SEM1: variants seen among roughly 807,000 people sequenced by gnomAD.
SEM1 encodes SEM1 26S proteasome subunit.
SEM1 carries 3 observed loss-of-function variants against 12.7 expected under a neutral mutation model. The observed-to-expected ratio is 0.24, with a 90% CI of 0.11 to 0.61. The LOEUF (loss-of-function observed/expected upper bound fraction) is 0.61. Among genes scored for constraint, SEM1 ranks in the 20% least tolerant of loss-of-function variants. SEM1 has a pLI of 0.88. For synonymous variants in SEM1, 30 were observed against 27.8 expected (o/e 1.08, Z -0.25); for missense variants, 59 against 81.3 (o/e 0.73, Z 1.06).
rs766904257 is a variant in SEM1 at position 96,694,863 on chromosome 7, A to G, written c.105T>C (p.Asp35=). Residue 35 remains aspartate (D), a synonymous_variant, in exon 2 of 3, where the codon GAT becomes GAC. Coordinates refer to ENST00000248566, the MANE Select transcript of SEM1 (RefSeq NM_006304.2). ...EDWAGLDEDE[D]AHVWEDNWDD... Reference sequence around the variant, plus strand: ...CCCAATTATCCTCCCAGACATGTGCATCTTCATCTTCATCTAAGCCAGCCC... The same window carrying G: ...CCCAATTATCCTCCCAGACATGTGCGTCTTCATCTTCATCTAAGCCAGCCC... 4.4e-6 allele frequency: 7 copies of G among 1,607,436 alleles called. No individual in the cohort carries two copies. The highest frequency in any genetic ancestry group is 6.0e-6 in the Non-Finnish European group (7 of 1,174,648).
intron 2 of SEM1, among the ~76,000 whole-genome samples, chr7:96,608,062 T>C (rs144668046): frequency 6.6e-6 from 1 of 152,252 alleles, no homozygotes; most frequent in East Asian, 1.9e-4. Context: ...TGGGGTTCCT[T>C]TTGGAACTGA....
chr7:96,612,422 A>G (rs552356011), intron 2 of SEM1, among the ~76,000 whole-genome samples: 1 of 152,214 alleles, frequency 6.6e-6, no homozygotes, highest in Non-Finnish European at 1.5e-5. Flanking sequence ...CTTGCCACCA[A>G]ACTGGGAAAC....
intron 2 of SEM1, among the ~76,000 whole-genome samples, chr7:96,595,805 T>C (rs1192886166): frequency 6.6e-6 from 1 of 152,216 alleles, no homozygotes; most frequent in Non-Finnish European, 1.5e-5. Context: ...TAACTTGTAA[T>C]GAGCTTCAGA....
chr7:96,550,437 G>A (rs576020691), intron 2 of SEM1, among the ~76,000 whole-genome samples: 6 of 152,132 alleles, frequency 3.9e-5, no homozygotes, highest in South Asian at 4.1e-4. Context: ...TTGCAAAATC[G>A]TTTATGATTC....
At chr7:96,669,109 A>G (rs780454813), downstream of SEM1, among the ~76,000 whole-genome samples, 3 of 152,200 alleles carry the variant, frequency 2.0e-5, no homozygotes, top group Non-Finnish European at 2.9e-5. Context: ...AGAAGCATGC[A>G]GCAATAAATT....
intron 2 of SEM1, among the ~76,000 whole-genome samples, chr7:96,658,243 T>C (rs1175312185): frequency 6.6e-6 from 1 of 152,090 alleles, no homozygotes; most frequent in Non-Finnish European, 1.5e-5. Context: ...ACCTTTGAAG[T>C]GTAGTGCTCA....
intron 2 of SEM1, 69 bp from the exon 3 acceptor site, chr7:96,689,035 TA>T: frequency 1.1e-6 from 1 of 947,962 alleles, no homozygotes; most frequent in African/African-American, 1.7e-5. Context: ...AACAATACAA[TA>T]AATAAACAAA....
intron 2 of SEM1, among the ~76,000 whole-genome samples, chr7:96,612,856 C>G (rs942394925): frequency 6.6e-6 from 1 of 152,074 alleles, no homozygotes; most frequent in Non-Finnish European, 1.5e-5. Flanking sequence ...AGGATGGTCT[C>G]GATCTCCTGA....
chr7:96,651,839 C>T (rs901614618), intron 2 of SEM1, among the ~76,000 whole-genome samples: 2 of 152,194 alleles, frequency 1.3e-5, no homozygotes, highest in Admixed American at 6.5e-5. Flanking sequence ...TCCCAAAGTA[C>T]TGGGATTACA....
At chr7:96,579,468 A>C (rs182904715) in intron 2 of SEM1, among the ~76,000 whole-genome samples, 4 of 152,330 alleles carry the variant, frequency 2.6e-5, no homozygotes, top group Admixed American at 2.0e-4. Flanking sequence ...AGAAGAACTG[A>C]ATTAGAATGT....
intron 2 of SEM1, among the ~76,000 whole-genome samples, chr7:96,680,463 G>A (rs1434056547): frequency 6.6e-6 from 1 of 152,056 alleles, no homozygotes; most frequent in African/African-American, 2.4e-5. Context: ...ATGTTACATT[G>A]TAAACAGGGG....
intron 2 of SEM1, among the ~76,000 whole-genome samples, chr7:96,683,114 A>G (rs1789664431): frequency 6.6e-6 from 1 of 152,084 alleles, no homozygotes; most frequent in African/African-American, 2.4e-5. Context: ...TGGGAATGTA[A>G]ATTAGTTCAA....
At chr7:96,687,968 T>C (rs1368242843), downstream of SEM1, 1 of 152,152 alleles carries the variant, frequency 6.6e-6, no homozygotes, top group African/African-American at 2.4e-5. Flanking sequence ...GAAGTATAAC[T>C]TGTATTTCAG....
chr7:96,541,247 C>T (rs192216555), intron 2 of SEM1, among the ~76,000 whole-genome samples: 1 of 151,986 alleles, frequency 6.6e-6, no homozygotes, highest in Non-Finnish European at 1.5e-5. Flanking sequence ...GCCTCGCCAG[C>T]ATCTGCTGTT....
chr7:96,602,536 G>C (rs1258953073), intron 2 of SEM1, among the ~76,000 whole-genome samples: 1 of 152,158 alleles, frequency 6.6e-6, no homozygotes, highest in East Asian at 1.9e-4. Context: ...AGGCATTCAA[G>C]TTTGCCAGTC....
chr7:96,584,076 A>G (rs574255254), intron 2 of SEM1, among the ~76,000 whole-genome samples: 3 of 151,926 alleles, frequency 2.0e-5, no homozygotes, highest in African/African-American at 7.2e-5. Flanking sequence ...TGGCCTTTAC[A>G]TTTTGGCATG....
intron 3 of SEM1, among the ~76,000 whole-genome samples, chr7:96,505,625 A>G (rs937057263): frequency 2.6e-5 from 4 of 152,130 alleles, no homozygotes; most frequent in African/African-American, 7.2e-5. Context: ...TGGATTATAA[A>G]CAACAGAAAT....
chr7:96,615,239 A>ATTTTTTTTTTTTGTTTTTTTTTT (rs1421596853), intron 2 of SEM1, among the ~76,000 whole-genome samples: 1 of 98,142 alleles, frequency 1.0e-5, no homozygotes, highest in Non-Finnish European at 1.9e-5. Context: ...TTTTTGAGTC[A>ATTTTTTTTTTTTGTTTTTTTTTT]TCTTTTTTTT....
chr7:96,650,167 A>C (rs1033508735), intron 2 of SEM1: 5 of 271,644 alleles, frequency 1.8e-5, no homozygotes, highest in African/African-American at 1.1e-4. Flanking sequence ...AGAAGCTATA[A>C]ATAGCTCAAA....
Sources: allele counts gnomAD v4.1 joint callset (sites outside exome capture counted in the v4.1 genomes callset), GRCh38; gene constraint gnomAD v4.1.1; transcripts MANE v1.5; gene names NCBI Gene and HGNC (gene_info 2026-07-23, HGNC 2026-07-21).